The following CATSPERE variants were observed in gnomAD, a reference collection of about 807,000 sequenced individuals.
CATSPERE encodes the protein cation channel sperm-associated auxiliary subunit epsilon.
In CATSPERE, 93 loss-of-function variants were observed where a neutral mutation model predicts 114.1. That is an observed-to-expected ratio of 0.81 (90% CI 0.69 to 0.97). CATSPERE has a LOEUF of 0.97. Ranked by LOEUF, CATSPERE falls within the 50% of genes least tolerant of loss-of-function variation. The probability of loss-of-function intolerance (pLI) is 0.00; values close to 1 mark genes in which losing one functional copy is unlikely to be tolerated. For synonymous variants in CATSPERE, 341 were observed against 384.1 expected (o/e 0.89, Z 1.31); for missense variants, 1,058 against 1,131.6 (o/e 0.93, Z 0.93).
Position 244,568,123 on chromosome 1 carries a change from T to A in CATSPERE, c.1508-4207T>A, listed in dbSNP as rs1404128665. Among the ~76,000 whole-genome samples the A allele has an allele frequency of 6.6e-6, 1 of 152,196 alleles. No homozygotes were observed. The highest frequency in any genetic ancestry group is 1.5e-5 in the Non-Finnish European group (1 of 68,028). ...CCTCTCCTGCAGGTCTGCTGGAGTT[T>A]GCTGGAGGTCCACTCCAGCCCCTGT... On this transcript the variant is annotated intron_variant, in intron 10 of 21. Coordinates refer to ENST00000366534, the MANE Select transcript of CATSPERE (RefSeq NM_001130957.2). This position sits in a 1 kb window ranked among gnomAD's most constrained non-coding sequence, Gnocchi z 4.4.
intron 8 of CATSPERE, among the ~76,000 whole-genome samples, chr1:244,528,989 T>C (rs2148410129): frequency 6.6e-6 from 1 of 152,334 alleles, no homozygotes; most frequent in Admixed American, 6.5e-5. Flanking sequence ...TCTACCCATA[T>C]TGTTGCACGT....
At chr1:244,608,905 A>G (rs1397083155) in intron 18 of CATSPERE, among the ~76,000 whole-genome samples, 1 of 151,960 alleles carries the variant, frequency 6.6e-6, no homozygotes, top group Non-Finnish European at 1.5e-5. Flanking sequence ...CTCAATTCCT[A>G]TCTTGGAGCT....
chr1:244,474,034 CT>C (rs941823787), intron 2 of CATSPERE, among the ~76,000 whole-genome samples: 1 of 149,662 alleles, frequency 6.7e-6, no homozygotes, highest in Non-Finnish European at 1.5e-5. Context: ...CTTTTTTTTG[CT>C]TTTTTTTTGT....
At position 244,573,759 on chromosome 1, in the gene CATSPERE, C is replaced by G. The variant is rs1664829636; in HGVS notation, c.1950+987C>G. ...TCATAGGATGGTGACATAAACTCTA[C>G]CTCTTATGGAGAAATAGCAAGTTAC... is the stretch of plus-strand genomic sequence containing the variant. On this transcript the variant is annotated intron_variant, in intron 11 of 21. Transcript: ENST00000366534. This position sits in a 1 kb window ranked among gnomAD's most constrained non-coding sequence, Gnocchi z 4.0. 6.6e-6 allele frequency among the ~76,000 whole-genome samples: 1 copy of G among 152,164 alleles called. No individual in the cohort carries two copies. The highest frequency in any genetic ancestry group is 1.5e-5 in the Non-Finnish European group (1 of 68,032).
At chr1:244,521,006 C>G (rs1677448770) in intron 8 of CATSPERE, among the ~76,000 whole-genome samples, 1 of 152,140 alleles carries the variant, frequency 6.6e-6, no homozygotes, top group Admixed American at 6.5e-5. Context: ...AAATCACAAG[C>G]TAATCTTATT....
Position 244,607,582 on chromosome 1 carries a change from A to G in CATSPERE, c.2403+1788A>G, listed in dbSNP as rs1670170222. Among the ~76,000 whole-genome samples the G allele has an allele frequency of 6.6e-6, 1 of 152,230 alleles. No individual in the cohort carries two copies. Among genetic ancestry groups the G allele is most frequent in the African/African-American group, 2.4e-5 (1 of 41,454 alleles). ...CATGGCTGGAATATGAGCAGAAGTCATAGGTGTCACTTCCAGGTGAAGTGC... is the reference window on the plus strand; with the variant it reads ...CATGGCTGGAATATGAGCAGAAGTCGTAGGTGTCACTTCCAGGTGAAGTGC... On this transcript the variant is annotated intron_variant, in intron 18 of 21. Coordinates refer to ENST00000366534, the MANE Select transcript of CATSPERE (RefSeq NM_001130957.2). This position sits in a 1 kb window ranked among gnomAD's most constrained non-coding sequence, Gnocchi z 4.4.
chr1:244,631,601 C>A (rs1259955913), intron 20 of CATSPERE, among the ~76,000 whole-genome samples: 1 of 152,112 alleles, frequency 6.6e-6, no homozygotes, highest in Admixed American at 6.5e-5. Flanking sequence ...ACGCTTACAA[C>A]TCGACAATAA....
At chr1:244,512,162 G>A (rs895645769) in intron 7 of CATSPERE, among the ~76,000 whole-genome samples, 12 of 152,168 alleles carry the variant, frequency 7.9e-5, no homozygotes, top group African/African-American at 2.9e-4. Flanking sequence ...CCACCTTCTG[G>A]AGCTCTCAAA....
chr1:244,597,350 C>T (rs1445023958), intron 17 of CATSPERE, among the ~76,000 whole-genome samples: 1 of 152,140 alleles, frequency 6.6e-6, no homozygotes, highest in African/African-American at 2.4e-5. Context: ...CTCCATTCAG[C>T]TAAACCGATG....
At chr1:244,543,133 A>G (rs1166696044) in intron 8 of CATSPERE, among the ~76,000 whole-genome samples, 4 of 152,302 alleles carry the variant, frequency 2.6e-5, no homozygotes, top group South Asian at 2.1e-4. Flanking sequence ...CCCACTTCTA[A>G]GTGTGTATCC....
At chr1:244,580,839 A>G (rs547920264) in intron 11 of CATSPERE, among the ~76,000 whole-genome samples, 3 of 152,178 alleles carry the variant, frequency 2.0e-5, no homozygotes, top group East Asian at 1.9e-4. Context: ...CGTCTCTACT[A>G]AAAATACAAA....
Position 244,504,862 on chromosome 1 carries a change from A to G in CATSPERE, c.429+5783A>G, listed in dbSNP as rs940182374. 6.6e-6 allele frequency among the ~76,000 whole-genome samples: 1 copy of G among 152,282 alleles called. No individual in the cohort carries two copies. The highest frequency in any genetic ancestry group is 2.4e-5 in the African/African-American group (1 of 41,552). Reference sequence around the variant, plus strand: ...AAGTTCCTCTTTCTTCTCCCTGTCCATGTTGTTCGCCTTGGAAGTAAGTCA... The same window carrying G: ...AAGTTCCTCTTTCTTCTCCCTGTCCGTGTTGTTCGCCTTGGAAGTAAGTCA... On this transcript the variant is annotated intron_variant, in intron 7 of 21. Transcript: ENST00000366534. This position sits in a 1 kb window ranked among gnomAD's most constrained non-coding sequence, Gnocchi z 4.1.
chr1:244,467,495 A>T (rs1258110072), intron 2 of CATSPERE, among the ~76,000 whole-genome samples: 1 of 152,152 alleles, frequency 6.6e-6, no homozygotes, highest in Non-Finnish European at 1.5e-5. Context: ...AGCAGTAGGA[A>T]CTCTAATACA....
intron 8 of CATSPERE, among the ~76,000 whole-genome samples, chr1:244,539,250 G>T: frequency 6.7e-6 from 1 of 149,712 alleles, no homozygotes; most frequent in African/African-American, 2.5e-5. Flanking sequence ...TTTGTCTTTG[G>T]TTCTGTTTAT....
chr1:244,623,014 CTA>C (rs1341762424), intron 20 of CATSPERE, among the ~76,000 whole-genome samples: 1 of 152,046 alleles, frequency 6.6e-6, no homozygotes, highest in Non-Finnish European at 1.5e-5. Flanking sequence ...TGCTACTATT[CTA>C]TGAGGCTAGT....
intron 14 of CATSPERE, among the ~76,000 whole-genome samples, chr1:244,590,800 T>C (rs1348974470): frequency 6.6e-6 from 1 of 152,242 alleles, no homozygotes; most frequent in Non-Finnish European, 1.5e-5. Context: ...TAATATTCCA[T>C]TGAATGGATG....
Position 244,625,171 on chromosome 1 carries a change from T to C in CATSPERE, c.2648+7485T>C, listed in dbSNP as rs111907397. Among the ~76,000 whole-genome samples the C allele has an allele frequency of 4.8e-3, 733 of 151,778 alleles. 7 individuals carry two copies. The highest frequency in any genetic ancestry group is 0.017 in the African/African-American group (693 of 41,342). ...ACTATCCATGGCAGCTATAGCCTTATGAGATGTAATTCTTAAATAGTAAGA... is the reference window on the plus strand; with the variant it reads ...ACTATCCATGGCAGCTATAGCCTTACGAGATGTAATTCTTAAATAGTAAGA... On this transcript the variant is annotated intron_variant, in intron 20 of 21. Transcript: ENST00000366534.
intron 17 of CATSPERE, among the ~76,000 whole-genome samples, chr1:244,603,557 C>G (rs954860607): frequency 1.3e-5 from 2 of 152,056 alleles, no homozygotes; most frequent in East Asian, 3.9e-4. Context: ...TGTAAAAGAT[C>G]TTTACAAACC....
chr1:244,569,500 T>C (rs1664134713), intron 10 of CATSPERE, among the ~76,000 whole-genome samples: 2 of 152,232 alleles, frequency 1.3e-5, no homozygotes, highest in South Asian at 4.1e-4. Flanking sequence ...TTTTCTCTAG[T>C]GTGTAACTTC....
Sources: allele counts gnomAD v4.1 joint callset (sites outside exome capture counted in the v4.1 genomes callset), GRCh38; gene constraint gnomAD v4.1.1; non-coding constraint Gnocchi (gnomAD v3.1); transcripts MANE v1.5; gene names NCBI Gene and HGNC (gene_info 2026-07-23, HGNC 2026-07-21).